The following ZNF91 variants were observed in gnomAD, a reference collection of about 807,000 sequenced individuals.
ZNF91 encodes zinc finger protein 91 (HPF7, HTF10).
In ZNF91, 7 loss-of-function variants were observed where a neutral mutation model predicts 12.6. That is an observed-to-expected ratio of 0.55 (90% CI 0.31 to 1.04). ZNF91 has a LOEUF of 1.04. ZNF91 is among the 50% of genes least tolerant of loss of function. The pLI is 0.05. For synonymous variants in ZNF91, 453 were observed against 462.6 expected (o/e 0.98, Z 0.27); for missense variants, 1,217 against 1,385.4 (o/e 0.88, Z 1.93).
intron 3 of ZNF91, among the ~76,000 whole-genome samples, chr19:23,351,844 A>G (rs1968375597): frequency 6.6e-6 from 1 of 152,136 alleles, no homozygotes; most frequent in South Asian, 2.1e-4. Flanking sequence ...CCTCTCCTGA[A>G]CACACACCCC....
intron 3 of ZNF91, among the ~76,000 whole-genome samples, chr19:23,364,387 G>T (rs1968919834): frequency 6.6e-6 from 1 of 152,164 alleles, no homozygotes; most frequent in Non-Finnish European, 1.5e-5. Flanking sequence ...AGTGGTTGTG[G>T]TGAGCCGAGA....
chr19:23,335,905 T>C (rs947459383), downstream of ZNF91, among the ~76,000 whole-genome samples: 3 of 152,176 alleles, frequency 2.0e-5, no homozygotes, highest in African/African-American at 7.2e-5. Flanking sequence ...GCGTCACTCA[T>C]GCTGGGAGCC....
chr19:23,333,058 CCT>C lies in ZNF91; in HGVS notation n.117-23963_117-23962del, dbSNP rs376147560. Among the ~76,000 whole-genome samples, 366 of 152,234 alleles carry C rather than the reference CCT, an allele frequency of 2.4e-3. 2 individuals carry two copies. Among genetic ancestry groups the C allele is most frequent in the African/African-American group, 8.3e-3 (343 of 41,546 alleles). On this transcript the variant is annotated intron_variant and non_coding_transcript_variant, in intron 1 of 1. Coordinates refer to the ZNF91 transcript ENST00000596528. Reference sequence around the variant, plus strand: ...GCATGGACTCTGCGATTCTGCTGGTCCTCTGTGTGGTGGATCATGGGGGACTC... The same window carrying C: ...GCATGGACTCTGCGATTCTGCTGGTCCTGTGTGGTGGATCATGGGGGACTC...
chr19:23,387,287 C>A (rs1353774144), intron 1 of ZNF91, among the ~76,000 whole-genome samples: 2 of 152,262 alleles, frequency 1.3e-5, no homozygotes, highest in Non-Finnish European at 2.9e-5. Flanking sequence ...AACCTCATCA[C>A]TGGGTATATA....
intron 1 of ZNF91, among the ~76,000 whole-genome samples, chr19:23,316,949 G>A (rs1394947537): frequency 6.6e-6 from 1 of 152,170 alleles, no homozygotes; most frequent in Non-Finnish European, 1.5e-5. Context: ...CTCACAGGTC[G>A]ACACAGACCA....
chr19:23,359,872 T>C lies in ZNF91; in HGVS notation c.3107A>G (p.Lys1036Arg), dbSNP rs1243370351. 5 of 1,587,282 alleles carry C rather than the reference T, an allele frequency of 3.2e-6. No individual in the cohort carries two copies. The highest frequency in any genetic ancestry group is 4.3e-6 in the Non-Finnish European group (5 of 1,160,282). Residue 1036 changes from lysine to arginine, a missense_variant, in exon 4 of 4, where the codon AAG becomes AGG. Transcript: ENST00000300619. Reference sequence around the variant, plus strand: ...ATGAATTATCTTATGTGTAGTAAGCTTTGAGGATCGATTAAAAGCTTTGCC... The same window carrying C: ...ATGAATTATCTTATGTGTAGTAAGCCTTGAGGATCGATTAAAAGCTTTGCC... ...ECGKAFNRSS[K>R]LTTHKIIHTG...
At chr19:23,347,532 A>C (rs1968260786) in intron 3 of ZNF91, among the ~76,000 whole-genome samples, 1 of 152,116 alleles carries the variant, frequency 6.6e-6, no homozygotes, top group Non-Finnish European at 1.5e-5. Context: ...TCCAGAAGAA[A>C]AGGAGGACTA....
At chr19:23,364,402 G>A (rs919095778) in intron 3 of ZNF91, among the ~76,000 whole-genome samples, 1 of 152,056 alleles carries the variant, frequency 6.6e-6, no homozygotes, top group African/African-American at 2.4e-5. Context: ...CCGAGATCGC[G>A]CCATTGCACT....
chr19:23,381,265 AT>A (rs1208972878), intron 1 of ZNF91, among the ~76,000 whole-genome samples: 1 of 152,174 alleles, frequency 6.6e-6, no homozygotes. Context: ...TAAAACAACT[AT>A]TTAAGGAATT....
At chr19:23,332,143 TTC>T (rs1372006895) in intron 1 of ZNF91, among the ~76,000 whole-genome samples, 3 of 152,240 alleles carry the variant, frequency 2.0e-5, no homozygotes, top group Admixed American at 6.5e-5. Context: ...AGTTAAATCT[TTC>T]TGTTTCTCTT....
At chr19:23,389,649 T>C (rs1969995447) in intron 1 of ZNF91, among the ~76,000 whole-genome samples, 1 of 152,158 alleles carries the variant, frequency 6.6e-6, no homozygotes, top group Admixed American at 6.6e-5. Context: ...TGTGACAGCC[T>C]GTGTAGAGTG....
Position 23,361,939 on chromosome 19 carries a change from T to C in ZNF91, c.1040A>G (p.Glu347Gly). ...LAKHKRIHTG[E>G]KPYKCKECGK... ...ACATTCTTTACATTTGTAGGGTTTC[T>C]CTCCAGTATGAATTCTCTTATGTTT... Residue 347 changes from glutamate (E) to glycine (G), a missense_variant, in exon 4 of 4, where the codon GAG (glutamate) becomes GGG (glycine). By Grantham distance (98) the Glu-to-Gly change is moderately conservative. Around this residue, in one of 2 missense-constraint regions of ZNF91, gnomAD observed 726 missense variants for 895.5 expected, o/e 0.81. Transcript: ENST00000300619. 1 of 1,613,478 alleles carries C rather than the reference T, an allele frequency of 6.2e-7. No homozygotes were observed. The highest frequency in any genetic ancestry group is 1.1e-5 in the South Asian group (1 of 90,970).
chr19:23,392,810 A>C (rs1025230963), intron 1 of ZNF91, among the ~76,000 whole-genome samples: 10 of 151,556 alleles, frequency 6.6e-5, no homozygotes, highest in Non-Finnish European at 1.5e-4. Flanking sequence ...TAAATAAGAC[A>C]AAAAAAAACC....
chr19:23,340,281 TGCTA>T (rs1333011280), intron 3 of ZNF91: 4 of 152,044 alleles, frequency 2.6e-5, no homozygotes, highest in African/African-American at 9.7e-5. Flanking sequence ...ATTGGTAAAT[TGCTA>T]GCTAGATTAA....
chr19:23,321,569 A>T (rs548141032), intron 1 of ZNF91, among the ~76,000 whole-genome samples: 187 of 152,092 alleles, frequency 1.2e-3, no homozygotes, highest in Non-Finnish European at 1.9e-3. Flanking sequence ...TTCTGCCCAC[A>T]GGGGAGATTG....
At chr19:23,346,828 A>G (rs1208244716) in intron 3 of ZNF91, among the ~76,000 whole-genome samples, 1 of 152,142 alleles carries the variant, frequency 6.6e-6, no homozygotes, top group African/African-American at 2.4e-5. Context: ...CATAACGTCA[A>G]AGAAAGACAT....
upstream of ZNF91, among the ~76,000 whole-genome samples, chr19:23,312,971 G>A (rs1967496339): frequency 6.6e-6 from 1 of 152,192 alleles, no homozygotes; most frequent in African/African-American, 2.4e-5. Context: ...CAGGTAGGCA[G>A]GTGATTCTAA....
In ZNF91 at chr19:23,362,499, C is replaced by T; in HGVS notation, c.480G>A (p.Leu160=). Residue 160 remains leucine (L), a synonymous_variant, in exon 4 of 4, where the codon TTG becomes TTA. Transcript: ENST00000300619. ...AATTTAAAAATTTATAGAAGACTTT[C>T]AAATATTTCCCACATTGAAATACTT... ...QSKVFQCGKY[L]KVFYKFLNSN... is the part of the protein sequence containing the mutation. 6.2e-7 allele frequency: 1 copy of T among 1,602,818 alleles called. No individual in the cohort carries two copies. The highest frequency in any genetic ancestry group is 2.2e-5 in the East Asian group (1 of 44,798).
Position 23,373,853 on chromosome 19 carries a change from T to C in ZNF91, c.158-16A>G. On this transcript the variant is annotated splice_polypyrimidine_tract_variant and intron_variant, in intron 2 of 3. Coordinates refer to ENST00000300619, the MANE Select transcript of ZNF91 (RefSeq NM_003430.4). ...AGAGCAATACCTGTTTTATTAAAAA[T>C]AACTAACATGAGTCTTGCTCATATT... 6.3e-7 allele frequency: 1 copy of C among 1,585,176 alleles called. No homozygotes were observed. Among genetic ancestry groups the C allele is most frequent in the African/African-American group, 1.4e-5 (1 of 73,946 alleles).
Sources: gnomAD v4.1 joint callset for allele counts (sites outside exome capture counted in the v4.1 genomes callset) on GRCh38, gnomAD v4.1.1 for gene constraint, gnomAD v4.1.1 regional missense constraint, MANE v1.5 for transcripts, NCBI Gene and HGNC (gene_info 2026-07-23, HGNC 2026-07-21) for gene names.